The following PTPRA variants were observed in gnomAD, a reference collection of about 807,000 sequenced individuals.
PTPRA encodes the protein protein tyrosine phosphatase receptor type A.
A neutral mutation model predicts 104.8 loss-of-function variants in PTPRA; 25 were observed. The observed-to-expected ratio is 0.24, with a 90% CI of 0.17 to 0.33. PTPRA has a LOEUF of 0.33. Among genes scored for constraint, PTPRA ranks in the 10% least tolerant of loss-of-function variants. The pLI, the probability that PTPRA is intolerant of heterozygous loss-of-function variation, is 1.00. For synonymous variants in PTPRA, 323 were observed against 368.9 expected (o/e 0.88, Z 1.43); for missense variants, 765 against 1,015.3 (o/e 0.75, Z 3.35).
At chr20:2,898,891 T>C (rs2059122720) in intron 1 of PTPRA, among the ~76,000 whole-genome samples, 1 of 152,224 alleles carries the variant, frequency 6.6e-6, no homozygotes, top group Non-Finnish European at 1.5e-5. Context: ...ATCTTTACTT[T>C]TGTTATCTCA....
At chr20:2,908,523 G>C (rs1002966792) in intron 1 of PTPRA, among the ~76,000 whole-genome samples, 6 of 152,096 alleles carry the variant, frequency 3.9e-5, no homozygotes, top group African/African-American at 1.2e-4. Flanking sequence ...TGACCGTAGA[G>C]TCATTGCATA....
At chr20:2,875,358 C>T (rs1357446633) in intron 1 of PTPRA, among the ~76,000 whole-genome samples, 1 of 152,190 alleles carries the variant, frequency 6.6e-6, no homozygotes, top group African/African-American at 2.4e-5. Flanking sequence ...TCACCTCTGC[C>T]TGCTCAAAGT....
chr20:2,986,983 C>A, intron 7 of PTPRA, 134 bp downstream of exon 7: 3 of 793,992 alleles, frequency 3.8e-6, no homozygotes, highest in Admixed American at 2.3e-5. Context: ...CATGATAGTG[C>A]TAAAATTGAA....
chr20:3,027,456 G>A (rs2065202676), intron 19 of PTPRA, among the ~76,000 whole-genome samples: 1 of 152,208 alleles, frequency 6.6e-6, no homozygotes, highest in Non-Finnish European at 1.5e-5. Context: ...CAGCCAAGAG[G>A]AACCTGGCTG....
In PTPRA at chr20:3,021,314, G is replaced by A. The variant is rs758609387; in HGVS notation, c.1047G>A (p.Lys349=). The A allele has an allele frequency of 8.1e-6, 13 of 1,614,076 alleles. No homozygotes were observed. The East Asian group carries it at 2.2e-4, about 28-fold the overall frequency. Residue 349 remains lysine, a synonymous_variant, in exon 14 of 24, where the codon AAG becomes AAA. Transcript: ENST00000399903. ...VTNLKERKEC[K]CAQYWPDQGC... ...GTATGTCTTTTTCTTTCCAGTGCAA[G>A]TGCGCCCAGTACTGGCCAGACCAAG...
rs1337126801 is a variant in PTPRA, at chr20:2,910,578, G to GTTTCTT, written c.-128-12626_-128-12625insCTTTTT. Among the ~76,000 whole-genome samples the GTTTCTT allele has an allele frequency of 1.0e-3, 34 of 32,420 alleles. 1 individual carries two copies. The highest frequency in any genetic ancestry group is 1.4e-3 in the Non-Finnish European group (27 of 19,346). 21.3% of individuals were successfully genotyped at this position (32,420 alleles called of 152,430 possible). A position where few individuals can be genotyped will look rare whatever the true frequency, so the allele number is the denominator to read the frequency against. On this transcript the variant is annotated intron_variant, in intron 1 of 23. Transcript: ENST00000399903. ...AGGTGTGTGCTATCATGCCCAGCTA[G>GTTTCTT]TTTTTTTTTTGTTTTTTTTTTGTTT... is the stretch of plus-strand genomic sequence containing the variant.
intron 2 of PTPRA, among the ~76,000 whole-genome samples, chr20:2,937,591 C>CAT (rs1015660192): frequency 2.0e-4 from 31 of 152,178 alleles, no homozygotes; most frequent in African/African-American, 7.0e-4. Flanking sequence ...TATGAATAAA[C>CAT]ATATATATAT....
At chr20:2,906,719 G>T (rs994805464) in intron 1 of PTPRA, among the ~76,000 whole-genome samples, 1 of 151,980 alleles carries the variant, frequency 6.6e-6, no homozygotes, top group Non-Finnish European at 1.5e-5. Context: ...CTGTAATGAG[G>T]TTTTATATAT....
intron 19 of PTPRA, 139 bp from the exon 20 acceptor site, chr20:3,027,568 C>T (rs1297929836): frequency 3.4e-6 from 4 of 1,162,196 alleles, no homozygotes; most frequent in African/African-American, 1.6e-5. Flanking sequence ...GATAGGGTTT[C>T]GTCCTTGGCC....
the PTPRA span, among the ~76,000 whole-genome samples, chr20:2,867,524 G>A: frequency 3.4e-5 from 5 of 145,762 alleles, no homozygotes; most frequent in East Asian, 2.1e-4. Flanking sequence ...CTAGCCCTCC[G>A]TTGGCACTCC....
intron 9 of PTPRA, among the ~76,000 whole-genome samples, chr20:2,996,427 C>T (rs1368794877): frequency 2.6e-5 from 4 of 152,184 alleles, no homozygotes; most frequent in Admixed American, 6.5e-5. Context: ...TGTCTACTGT[C>T]ATAGAATAAT....
rs570095573 is a variant in PTPRA at position 3,019,764 on chromosome 20, T to C, written c.1042-1545T>C. On this transcript the variant is annotated intron_variant, in intron 13 of 23. Coordinates refer to ENST00000399903, the MANE Select transcript of PTPRA (RefSeq NM_001385305.1). ...TTGTAGCGAGCCAAGATCACGCCAC[T>C]GCACTCCAGCCTGGGCACCATTGAG... Among the ~76,000 whole-genome samples the C allele has an allele frequency of 7.9e-5, 12 of 152,274 alleles. No individual in the cohort carries two copies. The South Asian group carries it at 2.5e-3, about 32-fold the overall frequency.
In PTPRA at chr20:3,035,447, A is replaced by G; in HGVS notation, c.1921-138A>G. 1 of 989,892 alleles carries G rather than the reference A, an allele frequency of 1.0e-6. No individual in the cohort carries two copies. The highest frequency in any genetic ancestry group is 1.5e-6 in the Non-Finnish European group (1 of 678,776). The allele number at this position is 989,892 out of a possible 1,614,324, so 61.3% of individuals were successfully genotyped here. On this transcript the variant is annotated intron_variant, in intron 20 of 23. Coordinates refer to ENST00000399903, the MANE Select transcript of PTPRA (RefSeq NM_001385305.1). The surrounding 1 kb of genome is among the most constrained non-coding windows in gnomAD (Gnocchi z 5.8). ...GAATGATGTGATATAATGATCCTGC[A>G]AGTTTTCAATACCTTGGGGACGAAG...
At chr20:2,864,239 A>T in the PTPRA span, 3 of 1,614,010 alleles carry the variant, frequency 1.9e-6, no homozygotes, top group Admixed American at 3.3e-5. This position sits in a 1 kb window ranked among gnomAD's most constrained non-coding sequence, Gnocchi z 5.2. Flanking sequence ...GATGAAGAGG[A>T]GCAAACTGGC....
intron 11 of PTPRA, among the ~76,000 whole-genome samples, chr20:3,010,302 A>G (rs1284529373): frequency 6.6e-6 from 1 of 152,056 alleles, no homozygotes; most frequent in Non-Finnish European, 1.5e-5. Context: ...CATGGCCACA[A>G]GATGGCTGCA....
At chr20:2,894,483 G>GT (rs952517211) in intron 1 of PTPRA, among the ~76,000 whole-genome samples, 13 of 152,070 alleles carry the variant, frequency 8.5e-5, no homozygotes, top group African/African-American at 2.4e-4. Context: ...GTTTTTTTGT[G>GT]TTTTTTTAGA....
chr20:3,020,852 C>T (rs1170796753), intron 13 of PTPRA, among the ~76,000 whole-genome samples: 1 of 152,338 alleles, frequency 6.6e-6, no homozygotes, highest in Admixed American at 6.5e-5. Context: ...CTATCCAAAG[C>T]TCAGGCAACA....
At chr20:3,028,933 TGAG>T (rs1266049374) in intron 20 of PTPRA, among the ~76,000 whole-genome samples, 1 of 151,950 alleles carries the variant, frequency 6.6e-6, no homozygotes, top group Non-Finnish European at 1.5e-5. Context: ...AAGGGTGAAG[TGAG>T]GAGGAATTAA....
At chr20:2,975,089 T>C (rs1488388632) in intron 5 of PTPRA, 126 bp from the exon 6 acceptor site, 3 of 789,766 alleles carry the variant, frequency 3.8e-6, no homozygotes, top group Non-Finnish European at 5.9e-6. Flanking sequence ...TGTTTCCCAG[T>C]TGTTGGAGGA....
Sources: allele counts gnomAD v4.1 joint callset (sites outside exome capture counted in the v4.1 genomes callset), GRCh38; gene constraint gnomAD v4.1.1; non-coding constraint Gnocchi (gnomAD v3.1); transcripts MANE v1.5; gene names NCBI Gene and HGNC (gene_info 2026-07-23, HGNC 2026-07-21).